TEX9: variants seen among roughly 807,000 people sequenced by gnomAD.
The protein encoded by TEX9 is testis expressed 9.
TEX9 carries 74 observed loss-of-function variants against 59.6 expected under a neutral mutation model. That is an observed-to-expected ratio of 1.24 (90% CI 1.03 to 1.51). The LOEUF (loss-of-function observed/expected upper bound fraction) is 1.51, where lower values mean the gene tolerates loss of function less well. Among genes scored for constraint, TEX9 ranks in the 40% most tolerant of loss-of-function variants. The pLI, the probability that TEX9 is intolerant of heterozygous loss-of-function variation, is 0.00. For missense variants in TEX9, 522 were observed against 447.8 expected, an observed-to-expected ratio of 1.17 and a Z score of -1.49; for synonymous variants, 186 against 152.2, an observed-to-expected ratio of 1.22 and a Z score of -1.64.
exon 11 of TEX9, chr15:56,427,695 T>C (rs779964403): frequency 6.6e-7 from 1 of 1,520,890 alleles, no homozygotes; most frequent in Non-Finnish European, 8.8e-7. Context: ...AATGATAGGG[T>C]TCAAGAAACA....
chr15:56,391,208 T>C (rs771951462), intron 6 of TEX9, 35 bp from the exon 7 acceptor site: 3 of 1,411,368 alleles, frequency 2.1e-6, no homozygotes, highest in Non-Finnish European at 2.8e-6. Context: ...TATGTACGTA[T>C]ATACATACAT....
intron 12 of TEX9, chr15:56,428,484 G>A: frequency 5.2e-6 from 7 of 1,354,294 alleles, no homozygotes; most frequent in Non-Finnish European, 7.3e-6. Flanking sequence ...GTATGTGATG[G>A]ATACCCATTT....
At chr15:56,330,591 G>A (rs574767204) in intron 1 of TEX9, among the ~76,000 whole-genome samples, 2 of 152,246 alleles carry the variant, frequency 1.3e-5, no homozygotes, top group South Asian at 4.1e-4. Context: ...TGCAAGCAAA[G>A]TTATTATCAG....
chr15:56,365,761 T>TC, intron 2 of TEX9, 91 bp downstream of exon 2: 1 of 1,545,934 alleles, frequency 6.5e-7, no homozygotes, highest in Non-Finnish European at 8.7e-7. Flanking sequence ...GGCTGGATCT[T>TC]CGGGACCACT....
intron 2 of TEX9, 22 bp from the exon 3 acceptor site, chr15:56,373,419 C>A (rs774464036): frequency 1.3e-6 from 2 of 1,584,736 alleles, no homozygotes; most frequent in Admixed American, 1.9e-5. Context: ...TTCAGTATAT[C>A]CCAATTATTT....
At chr15:56,446,801 T>C, downstream of TEX9, 2 of 1,439,014 alleles carry the variant, frequency 1.4e-6, no homozygotes, top group African/African-American at 1.4e-5. Flanking sequence ...TTTTATTTTC[T>C]AAATGAAGCT....
chr15:56,366,279 G>T (rs1567100689), intron 2 of TEX9, among the ~76,000 whole-genome samples: 1 of 152,126 alleles, frequency 6.6e-6, no homozygotes, highest in South Asian at 2.1e-4. Flanking sequence ...TTCTACAGTA[G>T]TTTCCTGTTG....
chr15:56,448,877 C>G (rs1267600326), downstream of TEX9, among the ~76,000 whole-genome samples: 1 of 151,826 alleles, frequency 6.6e-6, no homozygotes, highest in Admixed American at 6.6e-5. Context: ...TCTCAGCCTC[C>G]CAGGTAGCTG....
intron 4 of TEX9, among the ~76,000 whole-genome samples, chr15:56,387,304 A>G (rs1394727227): frequency 6.6e-6 from 1 of 151,934 alleles, no homozygotes; most frequent in Non-Finnish European, 1.5e-5. Flanking sequence ...GGTACAGAAA[A>G]TGTACTAAAA....
At chr15:56,378,871 G>T (rs1243080144) in intron 3 of TEX9, among the ~76,000 whole-genome samples, 9 of 152,080 alleles carry the variant, frequency 5.9e-5, no homozygotes, top group African/African-American at 2.2e-4. Flanking sequence ...TTTGAGACCA[G>T]CCTGGGCAAC....
At chr15:56,327,452 A>G (rs747649506) in intron 1 of TEX9, among the ~76,000 whole-genome samples, 20 of 152,192 alleles carry the variant, frequency 1.3e-4, no homozygotes, top group Admixed American at 5.2e-4. Flanking sequence ...GCAAGATGGC[A>G]AGTAGAAGCC....
intron 3 of TEX9, among the ~76,000 whole-genome samples, chr15:56,376,877 A>G (rs2047480118): frequency 6.6e-6 from 1 of 152,164 alleles, no homozygotes; most frequent in African/African-American, 2.4e-5. Flanking sequence ...GTAATTTCAT[A>G]GTTTTGAGAT....
At chr15:56,407,953 C>G (rs150170796) in intron 9 of TEX9, among the ~76,000 whole-genome samples, 192 of 152,334 alleles carry the variant, frequency 1.3e-3, no homozygotes, top group Non-Finnish European at 2.5e-3. Context: ...ATACTCTCTT[C>G]TACTCAAGGT....
At position 56,376,757 on chromosome 15, in the gene TEX9, G is replaced by T. The variant is rs201647438; in HGVS notation, c.183+3253G>T. The stretch of plus-strand genomic sequence containing the variant: ...CTGTGCAGAAGCTTTTTAACTTTAT[G>T]TGATCCCATTTGTCCATTTTTGCTT... On this transcript the variant is annotated intron_variant, in intron 3 of 12. Transcript: ENST00000352903. Among the ~76,000 whole-genome samples the T allele has an allele frequency of 2.0e-5, 3 of 151,908 alleles. No individual in the cohort carries two copies. In the East Asian group the frequency reaches 5.8e-4, roughly 29 times the overall value.
At chr15:56,328,075 G>GC (rs1340526117) in intron 1 of TEX9, among the ~76,000 whole-genome samples, 1 of 151,776 alleles carries the variant, frequency 6.6e-6, no homozygotes, top group African/African-American at 2.4e-5. Flanking sequence ...CTCCAAAATA[G>GC]CCCCGCTTCC....
intron 1 of TEX9, among the ~76,000 whole-genome samples, chr15:56,299,985 G>C (rs1405566528): frequency 2.0e-5 from 3 of 152,092 alleles, no homozygotes; most frequent in African/African-American, 7.2e-5. Context: ...TTGTGGAAAG[G>C]AGAGAAAAGA....
At chr15:56,319,175 G>T (rs867720611) in intron 1 of TEX9, among the ~76,000 whole-genome samples, 1 of 151,660 alleles carries the variant, frequency 6.6e-6, no homozygotes, top group East Asian at 1.9e-4. Context: ...AATTTCTTAG[G>T]TCATAAGGCA....
At chr15:56,342,407 CTT>C (rs1273437718) in intron 1 of TEX9, among the ~76,000 whole-genome samples, 1 of 152,192 alleles carries the variant, frequency 6.6e-6, no homozygotes, top group Non-Finnish European at 1.5e-5. Context: ...AAAATCAAAA[CTT>C]AAGAATAGTT....
intron 1 of TEX9, among the ~76,000 whole-genome samples, chr15:56,288,822 T>G (rs1391609890): frequency 8.3e-6 from 1 of 120,166 alleles, no homozygotes; most frequent in Non-Finnish European, 2.1e-5. Context: ...TTAAATAAGC[T>G]CTCTACACTT....
Sources: gnomAD v4.1 joint callset for allele counts (sites outside exome capture counted in the v4.1 genomes callset) on GRCh38, gnomAD v4.1.1 for gene constraint, MANE v1.5 for transcripts, NCBI Gene and HGNC (gene_info 2026-07-23, HGNC 2026-07-21) for gene names.